ACTR3C: variants seen among roughly 807,000 people sequenced by gnomAD.
The protein encoded by ACTR3C is actin related protein 3C.
A neutral mutation model predicts 26.3 loss-of-function variants in ACTR3C; 18 were observed. The ratio of observed to expected loss-of-function variants is 0.68; its 90% CI spans 0.47 to 1.01. The LOEUF (loss-of-function observed/expected upper bound fraction) is 1.01. Ranked by LOEUF, ACTR3C falls within the 50% of genes least tolerant of loss-of-function variation. ACTR3C has a pLI of 0.00. For synonymous variants in ACTR3C, 55 were observed against 94.5 expected, an observed-to-expected ratio of 0.58 and a Z score of 2.42; for missense variants, 184 against 250.7, an observed-to-expected ratio of 0.73 and a Z score of 1.80.
the ACTR3C span, among the ~76,000 whole-genome samples, chr7:150,157,264 G>A: frequency 6.6e-6 from 1 of 152,144 alleles, no homozygotes; most frequent in Non-Finnish European, 1.5e-5. Context: ...TCTAATGGTA[G>A]CTTCTTTAAA....
chr7:150,248,938 A>G lies in ACTR3C; in HGVS notation c.*38+10T>C. The G allele has an allele frequency of 1.9e-6, 1 of 538,648 alleles. No individual in the cohort carries two copies. The highest frequency in any genetic ancestry group is 3.0e-5 in the East Asian group (1 of 32,810). The allele number at this position is 538,648 out of a possible 1,614,324, so 33.4% of individuals were successfully genotyped here. On this transcript the variant is annotated intron_variant, in intron 7 of 7. Coordinates refer to ENST00000683684, the MANE Select transcript of ACTR3C (RefSeq NM_001164458.2). ...GAGCCTAGAATTAAAAATGAAAATC[A>G]TGAGAATACCTCAAATAAAAGGCTA...
chr7:150,009,760 G>T, the ACTR3C span, among the ~76,000 whole-genome samples: 1 of 152,200 alleles, frequency 6.6e-6, no homozygotes, highest in Admixed American at 6.5e-5. Context: ...TGTTAAAAAG[G>T]CTCTCTAGCT....
At chr7:150,088,209 C>T in the ACTR3C span, among the ~76,000 whole-genome samples, 515 of 152,250 alleles carry the variant, frequency 3.4e-3, no homozygotes, top group African/African-American at 0.012. Flanking sequence ...CTTGTTTTCC[C>T]TTTGTTGTTT....
At chr7:149,938,040 C>T in the ACTR3C span, among the ~76,000 whole-genome samples, 1 of 152,154 alleles carries the variant, frequency 6.6e-6, no homozygotes, top group Non-Finnish European at 1.5e-5. Flanking sequence ...CCTCCCGACC[C>T]GTGTTCTAGA....
chr7:150,109,365 A>G, the ACTR3C span, among the ~76,000 whole-genome samples: 4 of 152,002 alleles, frequency 2.6e-5, no homozygotes, highest in African/African-American at 7.3e-5. Flanking sequence ...TCTTTTTTAT[A>G]TACTAAAAAT....
the ACTR3C span, among the ~76,000 whole-genome samples, chr7:150,216,260 C>A: frequency 1.3e-5 from 2 of 152,144 alleles, no homozygotes; most frequent in Non-Finnish European, 2.9e-5. Context: ...TGATGTGAAG[C>A]TTTGTCATGT....
At chr7:150,111,098 C>T in the ACTR3C span, among the ~76,000 whole-genome samples, 1 of 148,494 alleles carries the variant, frequency 6.7e-6, no homozygotes, top group Admixed American at 6.6e-5. Context: ...CCTCCTACCT[C>T]TGCACCACAC....
the ACTR3C span, among the ~76,000 whole-genome samples, chr7:150,166,881 AAT>A: frequency 6.7e-6 from 1 of 150,348 alleles, no homozygotes; most frequent in African/African-American, 2.5e-5. Flanking sequence ...TTAGCTCCTA[AAT>A]ATGAGTGAGA....
chr7:150,186,248 T>C, the ACTR3C span, among the ~76,000 whole-genome samples: 7 of 152,180 alleles, frequency 4.6e-5, no homozygotes, highest in African/African-American at 1.7e-4. Flanking sequence ...CATCAATGCC[T>C]CCCTGACAAA....
chr7:150,244,282 A>G (rs1469696172), downstream of ACTR3C: 1 of 132,812 alleles, frequency 7.5e-6, no homozygotes, highest in Non-Finnish European at 1.6e-5. Flanking sequence ...TTGAATATTC[A>G]ATATAGTCTT....
At chr7:150,104,213 C>T in the ACTR3C span, among the ~76,000 whole-genome samples, 1 of 151,178 alleles carries the variant, frequency 6.6e-6, no homozygotes, top group East Asian at 1.9e-4. Flanking sequence ...ATGGAAGTGC[C>T]ATGTCTATCT....
the ACTR3C span, among the ~76,000 whole-genome samples, chr7:150,168,294 T>C: frequency 1.3e-5 from 2 of 150,760 alleles, no homozygotes; most frequent in Non-Finnish European, 1.5e-5. Flanking sequence ...GCAGCGGCAT[T>C]AGATTCTCAT....
chr7:149,921,183 T>G, the ACTR3C span, among the ~76,000 whole-genome samples: 69 of 152,294 alleles, frequency 4.5e-4, no homozygotes, highest in African/African-American at 1.6e-3. Context: ...GAAAACTTTG[T>G]CTTTTATTTA....
rs544867903 is a variant in ACTR3C, at chr7:150,265,619, G to A, written c.565-16565C>T. ...TGAGGCAGGAGAATCGCTTGAACCC[G>A]GGAGGCGGAGGTTGCAGTGAGCCGA... is the stretch of plus-strand genomic sequence containing the variant. On this transcript the variant is annotated intron_variant, in intron 6 of 7. Coordinates refer to ENST00000683684, the MANE Select transcript of ACTR3C (RefSeq NM_001164458.2). Among the ~76,000 whole-genome samples the A allele has an allele frequency of 4.0e-4, 61 of 152,190 alleles. No individual in the cohort carries two copies. The South Asian group carries it at 0.01, about 26-fold the overall frequency.
At chr7:149,882,878 GGCCAGCTGTGTGT>G in the ACTR3C span, among the ~76,000 whole-genome samples, 1 of 152,126 alleles carries the variant, frequency 6.6e-6, no homozygotes, top group Non-Finnish European at 1.5e-5. Context: ...ATTGTGGCCG[GGCCAGCTGTGTGT>G]GCCAGCTGGC....
chr7:150,291,519 A>G (rs907391959), intron 3 of ACTR3C, among the ~76,000 whole-genome samples: 2 of 152,206 alleles, frequency 1.3e-5, no homozygotes, highest in African/African-American at 4.8e-5. Flanking sequence ...TATTTCTTCA[A>G]ATTTGTCTAT....
the ACTR3C span, among the ~76,000 whole-genome samples, chr7:150,230,265 A>G: frequency 6.6e-6 from 1 of 152,142 alleles, no homozygotes; most frequent in African/African-American, 2.4e-5. Flanking sequence ...CAAAATTTCT[A>G]ATGAAACCAT....
rs1302651108 is a variant in ACTR3C, at chr7:150,274,101, G to A, written c.564+10652C>T. 6.6e-6 allele frequency among the ~76,000 whole-genome samples: 1 copy of A among 151,708 alleles called. No individual in the cohort carries two copies. Among genetic ancestry groups the A allele is most frequent in the Non-Finnish European group, 1.5e-5 (1 of 68,038 alleles). ...AATAACTAAAATATATAGCAAATTA[G>A]GAGATGAATGTTATGGAGAAAAAAA... On this transcript the variant is annotated intron_variant, in intron 6 of 7. Coordinates refer to ENST00000683684, the MANE Select transcript of ACTR3C (RefSeq NM_001164458.2). The surrounding 1 kb of genome is among the most constrained non-coding windows in gnomAD (Gnocchi z 4.1).
chr7:150,035,772 G>T, the ACTR3C span, among the ~76,000 whole-genome samples: 1 of 136,930 alleles, frequency 7.3e-6, no homozygotes, highest in Non-Finnish European at 1.6e-5. Flanking sequence ...CCCCCTCTGC[G>T]ATGGGGTTCC....
Sources: allele counts gnomAD v4.1 joint callset (sites outside exome capture counted in the v4.1 genomes callset), GRCh38; gene constraint gnomAD v4.1.1; non-coding constraint Gnocchi (gnomAD v3.1); transcripts MANE v1.5; gene names NCBI Gene and HGNC (gene_info 2026-07-23, HGNC 2026-07-21).